CDC42BPA: variants seen among roughly 807,000 people sequenced by gnomAD.
CDC42BPA encodes the protein CDC42 binding protein kinase alpha.
In CDC42BPA, 80 loss-of-function variants were observed where a neutral mutation model predicts 223.5. That is an observed-to-expected ratio of 0.36 (90% CI 0.30 to 0.43). CDC42BPA has a LOEUF of 0.43. Among genes scored for constraint, CDC42BPA ranks in the 20% least tolerant of loss-of-function variants. The pLI is 1.00. For missense variants in CDC42BPA, 1,743 were observed against 2,099.9 expected, an observed-to-expected ratio of 0.83 and a Z score of 3.32; for synonymous variants, 694 against 718.6, an observed-to-expected ratio of 0.97 and a Z score of 0.55.
At chr1:227,081,890 GCAT>G (rs2149147235) in intron 16 of CDC42BPA, among the ~76,000 whole-genome samples, 1 of 152,218 alleles carries the variant, frequency 6.6e-6, no homozygotes, top group South Asian at 2.1e-4. Flanking sequence ...AACCACGATA[GCAT>G]CATACTACAA....
At chr1:227,257,487 G>GGCTCAC (rs145838525) in intron 1 of CDC42BPA, among the ~76,000 whole-genome samples, 73,500 of 150,352 alleles carry the variant, frequency 0.49, 19,262 homozygotes, top group East Asian at 0.74. Flanking sequence ...TGGGCACAGT[G>GGCTCAC]GCCTGTAATC....
chr1:227,024,188 A>G (rs1197246437), intron 31 of CDC42BPA, among the ~76,000 whole-genome samples: 1 of 152,232 alleles, frequency 6.6e-6, no homozygotes, highest in East Asian at 1.9e-4. Flanking sequence ...ATTTTATGGA[A>G]GAGGAAATAT....
At chr1:227,103,038 A>G (rs920671905) in intron 14 of CDC42BPA, among the ~76,000 whole-genome samples, 26 of 152,136 alleles carry the variant, frequency 1.7e-4, no homozygotes, top group African/African-American at 6.3e-4. Flanking sequence ...TTTACGTGAA[A>G]CATCAGAGAT....
intron 6 of CDC42BPA, among the ~76,000 whole-genome samples, chr1:227,147,896 T>TA (rs35057127): frequency 0.019 from 2,728 of 146,790 alleles, 36 homozygotes; most frequent in Non-Finnish European, 0.028. Context: ...CCTATACGTG[T>TA]AAAAAAAAAA....
At chr1:227,147,880 G>A (rs2149690049) in intron 6 of CDC42BPA, among the ~76,000 whole-genome samples, 1 of 140,802 alleles carries the variant, frequency 7.1e-6, no homozygotes, top group East Asian at 2.2e-4. Flanking sequence ...ATAATTACCT[G>A]TCAAACCTAT....
intron 1 of CDC42BPA, among the ~76,000 whole-genome samples, chr1:227,258,467 C>G (rs1683485258): frequency 6.6e-6 from 1 of 150,786 alleles, no homozygotes; most frequent in African/African-American, 2.5e-5. Flanking sequence ...AGTGTCTATA[C>G]AGGGGTATAC....
intron 1 of CDC42BPA, among the ~76,000 whole-genome samples, chr1:227,306,648 G>T (rs1179696061): frequency 2.0e-5 from 3 of 152,158 alleles, no homozygotes; most frequent in Non-Finnish European, 4.4e-5. Context: ...GTATGGAAAA[G>T]CTTTATGATA....
intron 4 of CDC42BPA, 60 bp from the exon 5 acceptor site, chr1:227,193,994 C>G: frequency 2.4e-6 from 3 of 1,232,062 alleles, no homozygotes; most frequent in Non-Finnish European, 1.1e-6. Context: ...AATCAATATA[C>G]TGTATCCCAA....
rs773337354 is a variant in CDC42BPA at position 227,145,677 on chromosome 1, G to T, written c.955C>A (p.Arg319=). ...DVSENAKDLI[R]RLICSREHRL... ...TGTTCTCTGCTACAAATGAGCCTTC[G>T]AATAAGATCCTTAGCATTTTCAGAC... Residue 319 remains arginine (R), a synonymous_variant, in exon 8 of 37, where the codon CGA becomes AGA. Transcript: ENST00000366766. 1 of 1,613,492 alleles carries T rather than the reference G, an allele frequency of 6.2e-7. No homozygotes were observed. Among genetic ancestry groups the T allele is most frequent in the Admixed American group, 1.7e-5 (1 of 60,016 alleles).
chr1:227,031,982 C>G (rs1669377601), intron 27 of CDC42BPA, among the ~76,000 whole-genome samples: 1 of 152,172 alleles, frequency 6.6e-6, no homozygotes. Context: ...TCTCCAAGGA[C>G]ATACAACTAC....
chr1:227,060,589 G>T (rs1675679354), intron 21 of CDC42BPA, among the ~76,000 whole-genome samples: 3 of 151,834 alleles, frequency 2.0e-5, no homozygotes, highest in Non-Finnish European at 4.4e-5. Context: ...CTAGAGGAGG[G>T]AACTTATAGA....
intron 15 of CDC42BPA, among the ~76,000 whole-genome samples, chr1:227,099,634 TC>T (rs1338885416): frequency 1.3e-5 from 2 of 152,230 alleles, no homozygotes; most frequent in Non-Finnish European, 2.9e-5. Context: ...TCTCTACTAT[TC>T]TTTTCCCATC....
At chr1:227,067,207 C>G (rs1677264439) in intron 21 of CDC42BPA, among the ~76,000 whole-genome samples, 1 of 152,090 alleles carries the variant, frequency 6.6e-6, no homozygotes, top group Non-Finnish European at 1.5e-5. Context: ...GCGGGGTGCT[C>G]AGGCATTACA....
Position 227,065,021 on chromosome 1 carries a change from C to T in CDC42BPA, c.2904+4756G>A, listed in dbSNP as rs1045639694. Among the ~76,000 whole-genome samples, 183 of 152,004 alleles carry T rather than the reference C, an allele frequency of 1.2e-3. 1 individual carries two copies. The highest frequency in any genetic ancestry group is 4.0e-3 in the African/African-American group (164 of 41,468). On this transcript the variant is annotated intron_variant, in intron 21 of 36. Transcript: ENST00000366766. ...CTGAGGCAGGAGAATGGCGTGAACCCGGGAGGCGGAGCTTGCAGTGAGCTG... is the reference window on the plus strand; with the variant it reads ...CTGAGGCAGGAGAATGGCGTGAACCTGGGAGGCGGAGCTTGCAGTGAGCTG...
At chr1:227,039,137 TCTGA>T (rs905163024) in intron 24 of CDC42BPA, among the ~76,000 whole-genome samples, 2 of 150,804 alleles carry the variant, frequency 1.3e-5, no homozygotes, top group African/African-American at 2.5e-5. Flanking sequence ...TTTGGTTCCT[TCTGA>T]CTTTTTTGTT....
chr1:227,132,520 G>A lies in CDC42BPA; in HGVS notation c.1391-3289C>T, dbSNP rs1657375846. 1.4e-5 allele frequency among the ~76,000 whole-genome samples: 2 copies of A among 138,336 alleles called. 1 individual carries two copies. The highest frequency in any genetic ancestry group is 3.2e-5 in the Non-Finnish European group (2 of 63,052). 90.8% of individuals were successfully genotyped at this position (138,336 alleles called of 152,430 possible). A position where few individuals can be genotyped will look rare whatever the true frequency, so the allele number is the denominator to read the frequency against. On this transcript the variant is annotated intron_variant, in intron 10 of 36. Coordinates refer to ENST00000366766, the MANE Select transcript of CDC42BPA (RefSeq NM_001394014.1). ...CAGCCGCCTGCCTTGGCCTCCCAAA[G>A]AGCCGAGATTGCAGCCTCTGCCTGG...
At chr1:227,014,973 T>C (rs924436340) in intron 34 of CDC42BPA, among the ~76,000 whole-genome samples, 4 of 152,182 alleles carry the variant, frequency 2.6e-5, no homozygotes, top group Admixed American at 1.3e-4. Flanking sequence ...GTACTTTTTT[T>C]TCTTTTTTTG....
intron 16 of CDC42BPA, among the ~76,000 whole-genome samples, chr1:227,082,753 G>A (rs1161936146): frequency 7.1e-6 from 1 of 140,302 alleles, no homozygotes; most frequent in Admixed American, 7.1e-5. Context: ...AATGTAGGTT[G>A]TCCTGCAGTT....
At chr1:227,198,959 A>G (rs763012420) in intron 4 of CDC42BPA, among the ~76,000 whole-genome samples, 2 of 152,102 alleles carry the variant, frequency 1.3e-5, no homozygotes, top group Non-Finnish European at 1.5e-5. Context: ...CGTGTTAGCT[A>G]GGATGGTCTC....
Sources: gnomAD v4.1 joint callset for allele counts (sites outside exome capture counted in the v4.1 genomes callset) on GRCh38, gnomAD v4.1.1 for gene constraint, MANE v1.5 for transcripts, NCBI Gene and HGNC (gene_info 2026-07-23, HGNC 2026-07-21) for gene names.